MACROD2: variants seen among roughly 807,000 people sequenced by gnomAD.
MACROD2 encodes the protein ADP-ribose glycohydrolase MACROD2.
A neutral mutation model predicts 70.4 loss-of-function variants in MACROD2; 36 were observed. The ratio of observed to expected loss-of-function variants is 0.51; its 90% CI spans 0.39 to 0.68. The LOEUF is 0.68. MACROD2 is among the 30% of genes least tolerant of loss of function. The pLI, the probability that MACROD2 is intolerant of heterozygous loss-of-function variation, is 0.00. For synonymous variants in MACROD2, 172 were observed against 178.8 expected (o/e 0.96, Z 0.30); for missense variants, 496 against 538.4 (o/e 0.92, Z 0.78).
chr20:15,978,352 G>A lies in MACROD2; in HGVS notation c.986-8375G>A, dbSNP rs139937797. ...TCGCCAGACTTGCTTACAGCCCTCCGGGTGGCATGGGGGAGGTCATGAGAA... is the reference window on the plus strand; with the variant it reads ...TCGCCAGACTTGCTTACAGCCCTCCAGGTGGCATGGGGGAGGTCATGAGAA... On this transcript the variant is annotated intron_variant, in intron 13 of 17. Transcript: ENST00000684519. Among the ~76,000 whole-genome samples, 83 of 152,302 alleles carry A rather than the reference G, an allele frequency of 5.4e-4. No homozygotes were observed. The East Asian group carries it at 0.014, about 25-fold the overall frequency.
chr20:14,051,295 A>G (rs1283086948), intron 2 of MACROD2, among the ~76,000 whole-genome samples: 1 of 152,234 alleles, frequency 6.6e-6, no homozygotes, highest in African/African-American at 2.4e-5. Context: ...ATTGGAGAGG[A>G]AGGGAGGAGA....
intron 5 of MACROD2, among the ~76,000 whole-genome samples, chr20:14,740,513 A>G (rs1401246251): frequency 6.6e-6 from 1 of 152,142 alleles, no homozygotes; most frequent in African/African-American, 2.4e-5. Flanking sequence ...GAATTCCCTG[A>G]CAGTAATTTA....
At chr20:14,896,300 A>T (rs922595135) in intron 5 of MACROD2, among the ~76,000 whole-genome samples, 2 of 152,160 alleles carry the variant, frequency 1.3e-5, no homozygotes, top group Admixed American at 1.3e-4. Flanking sequence ...ATCTCAAAAA[A>T]ATAAATAAAT....
At chr20:15,596,362 G>A (rs6105440) in intron 8 of MACROD2, among the ~76,000 whole-genome samples, 13,016 of 152,176 alleles carry the variant, frequency 0.086, 686 homozygotes, top group East Asian at 0.19. Context: ...TGGGGCCAGT[G>A]AACAATGAGG....
At chr20:14,840,532 C>T (rs1283719750) in intron 5 of MACROD2, among the ~76,000 whole-genome samples, 1 of 152,092 alleles carries the variant, frequency 6.6e-6, no homozygotes, top group East Asian at 1.9e-4. Flanking sequence ...CCCCCATGCC[C>T]AGTCTCCTGG....
intron 6 of MACROD2, among the ~76,000 whole-genome samples, chr20:15,279,078 T>C (rs184860260): frequency 8.0e-4 from 122 of 152,320 alleles, no homozygotes; most frequent in African/African-American, 2.8e-3. Flanking sequence ...TGTCAGTTTT[T>C]TGCTTAAAAC....
chr20:15,129,928 A>G (rs759502512), intron 5 of MACROD2, among the ~76,000 whole-genome samples: 15 of 152,094 alleles, frequency 9.9e-5, no homozygotes, highest in Non-Finnish European at 1.9e-4. Flanking sequence ...TGTGAAGAGG[A>G]ACAGAAAGCA....
intron 3 of MACROD2, among the ~76,000 whole-genome samples, chr20:14,157,547 C>A (rs969771575): frequency 6.6e-6 from 1 of 152,038 alleles, no homozygotes; most frequent in Admixed American, 6.6e-5. Flanking sequence ...CTTCATCCCC[C>A]CTCCCACCCA....
chr20:15,388,184 C>T (rs2045745435), intron 6 of MACROD2, among the ~76,000 whole-genome samples: 1 of 151,640 alleles, frequency 6.6e-6, no homozygotes, highest in African/African-American at 2.4e-5. Context: ...GAAGGGGAGG[C>T]TGAAAAGGGA....
intron 7 of MACROD2, among the ~76,000 whole-genome samples, chr20:15,484,383 C>T (rs1002840244): frequency 1.1e-4 from 17 of 152,098 alleles, no homozygotes; most frequent in African/African-American, 4.1e-4. Flanking sequence ...CAACCCTGTA[C>T]CTCTGAACTG....
chr20:14,147,081 G>A (rs1315742610), intron 3 of MACROD2, among the ~76,000 whole-genome samples: 2 of 152,164 alleles, frequency 1.3e-5, no homozygotes, highest in Non-Finnish European at 2.9e-5. Flanking sequence ...GATGGAAGAA[G>A]GACTAACATC....
intron 7 of MACROD2, among the ~76,000 whole-genome samples, chr20:15,480,670 T>C (rs527648305): frequency 3.3e-5 from 5 of 152,144 alleles, no homozygotes; most frequent in Non-Finnish European, 7.4e-5. Context: ...GGATGGGACA[T>C]TGGGAGAAAG....
At chr20:14,044,407 G>A (rs1279398639) in intron 2 of MACROD2, among the ~76,000 whole-genome samples, 1 of 152,168 alleles carries the variant, frequency 6.6e-6, no homozygotes. Flanking sequence ...CTTCCACAGT[G>A]TGGAAGGGGA....
intron 2 of MACROD2, among the ~76,000 whole-genome samples, chr20:14,032,149 CATT>C (rs564586605): frequency 7.3e-5 from 11 of 151,630 alleles, no homozygotes; most frequent in South Asian, 2.1e-4. Context: ...TTGATGATCT[CATT>C]ATTTTTTAAA....
intron 6 of MACROD2, among the ~76,000 whole-genome samples, chr20:15,420,427 A>G (rs2046212187): frequency 6.6e-6 from 1 of 152,338 alleles, no homozygotes; most frequent in East Asian, 1.9e-4. Flanking sequence ...ACCACACTCC[A>G]AACACTTCAC....
chr20:15,282,499 G>A (rs1165816632), intron 6 of MACROD2, among the ~76,000 whole-genome samples: 1 of 152,110 alleles, frequency 6.6e-6, no homozygotes, highest in African/African-American at 2.4e-5. Flanking sequence ...AATTTCTTCT[G>A]CCAGATTCCC....
At chr20:14,456,494 G>T (rs1037480321) in intron 3 of MACROD2, among the ~76,000 whole-genome samples, 1 of 151,616 alleles carries the variant, frequency 6.6e-6, no homozygotes, top group Non-Finnish European at 1.5e-5. Context: ...AAAATATTTT[G>T]GGAATCAGCC....
chr20:14,261,877 C>T (rs533768784), intron 3 of MACROD2, among the ~76,000 whole-genome samples: 12 of 128,856 alleles, frequency 9.3e-5, no homozygotes, highest in African/African-American at 1.7e-4. Context: ...CTTGGAGAAA[C>T]GTGATTTTTT....
chr20:15,202,374 A>G (rs1258046744), intron 5 of MACROD2, among the ~76,000 whole-genome samples: 2 of 152,160 alleles, frequency 1.3e-5, no homozygotes, highest in African/African-American at 4.8e-5. Flanking sequence ...TAAATTTACT[A>G]TCAGGTTAAG....
Sources: gnomAD v4.1 joint callset for allele counts (sites outside exome capture counted in the v4.1 genomes callset) on GRCh38, gnomAD v4.1.1 for gene constraint, MANE v1.5 for transcripts, NCBI Gene and HGNC (gene_info 2026-07-23, HGNC 2026-07-21) for gene names.